The following HACD3 variants were observed in gnomAD, a reference collection of about 807,000 sequenced individuals.
HACD3 encodes the protein very-long-chain (3R)-3-hydroxyacyl-CoA dehydratase 3.
In HACD3, 30 loss-of-function variants were observed where a neutral mutation model predicts 55.2. The observed-to-expected ratio is 0.54, with a 90% CI of 0.41 to 0.74. The LOEUF (loss-of-function observed/expected upper bound fraction) is 0.74, where lower values mean the gene tolerates loss of function less well. Ranked by LOEUF, HACD3 falls within the 30% of genes least tolerant of loss-of-function variation. The probability of loss-of-function intolerance (pLI) is 0.00; values close to 1 mark genes in which losing one functional copy is unlikely to be tolerated. For missense variants in HACD3, 363 were observed against 440.1 expected (o/e 0.82, Z 1.57); for synonymous variants, 141 against 151.7 (o/e 0.93, Z 0.52).
chr15:65,538,590 T>C (rs1293408133), intron 1 of HACD3, among the ~76,000 whole-genome samples: 1 of 152,236 alleles, frequency 6.6e-6, no homozygotes, highest in Non-Finnish European at 1.5e-5. Flanking sequence ...GAAATGACAA[T>C]GAAGGGTTTA....
chr15:65,572,160 A>C, intron 9 of HACD3, 75 bp from the exon 10 acceptor site: 1 of 1,566,092 alleles, frequency 6.4e-7, no homozygotes, highest in Non-Finnish European at 8.7e-7. Flanking sequence ...ACTTTAGAGT[A>C]CTAGGACTGG....
In HACD3 at chr15:65,570,104, A is replaced by T; in HGVS notation, c.674A>T (p.Asn225Ile). Residue 225 changes from asparagine to isoleucine, a missense_variant, in exon 8 of 11, where the codon AAT becomes ATT. Coordinates refer to ENST00000261875, the MANE Select transcript of HACD3 (RefSeq NM_016395.4). ...LPSLIQLLGRNFILFIIFGTM... is the reference protein window; with the variant it reads ...LPSLIQLLGRIFILFIIFGTM... ...TCTTTCTAATAGCTTCTTGGAAGAA[A>T]TTTTATTTTGTTTATCATCTTTGGC... The T allele has an allele frequency of 6.2e-7, 1 of 1,605,296 alleles. No individual in the cohort carries two copies. The highest frequency in any genetic ancestry group is 8.5e-7 in the Non-Finnish European group (1 of 1,174,978).
intron 1 of HACD3, among the ~76,000 whole-genome samples, chr15:65,539,701 A>G (rs1461847757): frequency 2.0e-5 from 3 of 152,216 alleles, no homozygotes; most frequent in Non-Finnish European, 4.4e-5. Context: ...AATTGAAAAC[A>G]GCCTCAATTT....
At chr15:65,560,790 A>T (rs2072236497) in intron 5 of HACD3, among the ~76,000 whole-genome samples, 2 of 138,260 alleles carry the variant, frequency 1.4e-5, no homozygotes, top group Non-Finnish European at 3.0e-5. Flanking sequence ...GAACAGAGTG[A>T]GACCCTATCT....
At chr15:65,537,708 G>T (rs1308027494) in intron 1 of HACD3, among the ~76,000 whole-genome samples, 2 of 142,248 alleles carry the variant, frequency 1.4e-5, no homozygotes, top group East Asian at 4.0e-4. Context: ...CAGGAGAATC[G>T]CTTGGATCTG....
intron 2 of HACD3, 25 bp downstream of exon 2, chr15:65,551,743 A>G (rs1258627995): frequency 7.4e-6 from 12 of 1,612,224 alleles, no homozygotes; most frequent in Non-Finnish European, 1.0e-5. Context: ...AAATGCTCCC[A>G]TCTCTATACA....
chr15:65,543,099 G>GA (rs2072038563), intron 1 of HACD3, among the ~76,000 whole-genome samples: 1 of 145,474 alleles, frequency 6.9e-6, no homozygotes, highest in South Asian at 2.2e-4. Flanking sequence ...AGAAAGAAAA[G>GA]AAAAAAGCAA....
chr15:65,551,024 A>T (rs1306619425), intron 1 of HACD3: 1 of 152,174 alleles, frequency 6.6e-6, no homozygotes, highest in Non-Finnish European at 1.5e-5. Flanking sequence ...GGGTTAAGAG[A>T]GTCTGGAGCC....
intron 2 of HACD3, among the ~76,000 whole-genome samples, chr15:65,554,592 G>A (rs565241436): frequency 7.2e-5 from 11 of 152,174 alleles, no homozygotes; most frequent in East Asian, 1.9e-4. Context: ...TGGTTAACAC[G>A]GTGAAACCCC....
intron 1 of HACD3, chr15:65,550,884 C>T (rs1030706665): frequency 6.6e-6 from 1 of 152,226 alleles, no homozygotes; most frequent in African/African-American, 2.4e-5. Context: ...GGTTGTTTCT[C>T]ATCCACTGGA....
intron 1 of HACD3, among the ~76,000 whole-genome samples, chr15:65,548,760 C>T (rs550587072): frequency 8.6e-5 from 13 of 151,910 alleles, no homozygotes; most frequent in African/African-American, 2.9e-4. Context: ...TTTGTAGAGA[C>T]GGTCTATGTT....
chr15:65,556,275 C>G (rs764128929), intron 3 of HACD3, among the ~76,000 whole-genome samples: 12 of 152,192 alleles, frequency 7.9e-5, no homozygotes. Context: ...TGTTTTCTTG[C>G]AACTAGACAG....
chr15:65,541,848 A>AT (rs1408026412), intron 1 of HACD3, among the ~76,000 whole-genome samples: 2 of 152,188 alleles, frequency 1.3e-5, no homozygotes, highest in Non-Finnish European at 2.9e-5. Context: ...TTATGAGCTG[A>AT]TAAGGATTTA....
chr15:65,541,174 A>AT lies in HACD3; in HGVS notation c.87+10457dup, dbSNP rs559363165. Among the ~76,000 whole-genome samples, 7 of 152,330 alleles carry AT rather than the reference A, an allele frequency of 4.6e-5. No individual in the cohort carries two copies. In the East Asian group the frequency reaches 1.4e-3, roughly 29 times the overall value. ...GTGAACTAGTGATATAACTATACAA[A>AT]TACAGAGTTCAGGGCAGTAGTCTGG... On this transcript the variant is annotated intron_variant, in intron 1 of 10. Transcript: ENST00000261875.
chr15:65,572,151 C>T (rs969395949), intron 9 of HACD3, 84 bp from the exon 10 acceptor site: 2 of 1,550,356 alleles, frequency 1.3e-6, no homozygotes, highest in Admixed American at 2.0e-5. Flanking sequence ...AGAACTGAAA[C>T]TTTAGAGTAC....
Position 65,578,203 on chromosome 15 carries a change from G to T in HACD3, c.*1824G>T, listed in dbSNP as rs917181335. The T allele has an allele frequency of 6.6e-6, 1 of 152,172 alleles. No homozygotes were observed. Among genetic ancestry groups the T allele is most frequent in the Non-Finnish European group, 1.5e-5 (1 of 68,032 alleles). 9.4% of individuals were successfully genotyped at this position (152,172 alleles called of 1,614,324 possible). A position where few individuals can be genotyped will look rare whatever the true frequency, so the allele number is the denominator to read the frequency against. On this transcript the variant is annotated 3_prime_UTR_variant, in exon 11 of 11. Coordinates refer to ENST00000261875, the MANE Select transcript of HACD3 (RefSeq NM_016395.4). The stretch of plus-strand genomic sequence containing the variant: ...TTCTGATATTCTTGCAGCTGACTAC[G>T]TGTAATTGGGCAGATCAGCTTTGCA...
At chr15:65,564,922 C>T (rs1256154221) in intron 7 of HACD3, 2 of 152,258 alleles carry the variant, frequency 1.3e-5, no homozygotes, top group South Asian at 2.1e-4. Flanking sequence ...GCCTTTGAGC[C>T]TGTAAAATCA....
intron 1 of HACD3, among the ~76,000 whole-genome samples, chr15:65,545,494 G>A (rs557780127): frequency 5.4e-5 from 8 of 148,380 alleles, no homozygotes; most frequent in East Asian, 4.0e-4. Flanking sequence ...TCGCTCTGTC[G>A]CCCAGGCTGG....
chr15:65,551,861 G>T, intron 2 of HACD3, 143 bp downstream of exon 2: 3 of 837,886 alleles, frequency 3.6e-6, no homozygotes, highest in South Asian at 2.2e-5. Context: ...AAGCTAAATT[G>T]TTTTGAAATA....
Sources: gnomAD v4.1 joint callset for allele counts (sites outside exome capture counted in the v4.1 genomes callset) on GRCh38, gnomAD v4.1.1 for gene constraint, MANE v1.5 for transcripts, NCBI Gene and HGNC (gene_info 2026-07-23, HGNC 2026-07-21) for gene names.